The following CADM2 variants were observed in gnomAD, a reference collection of about 807,000 sequenced individuals.
CADM2 encodes immunoglobulin superfamily member 4D.
In CADM2, 12 loss-of-function variants were observed where a neutral mutation model predicts 49.8. The ratio of observed to expected loss-of-function variants is 0.24; its 90% CI spans 0.15 to 0.39. The LOEUF (loss-of-function observed/expected upper bound fraction) is 0.39, where lower values mean the gene tolerates loss of function less well. Ranked by LOEUF, CADM2 falls within the 10% of genes least tolerant of loss-of-function variation. The pLI is 1.00. For missense variants in CADM2, 378 were observed against 492.3 expected (o/e 0.77, Z 2.20); for synonymous variants, 214 against 175.4 (o/e 1.22, Z -1.74).
chr3:85,772,254 C>T (rs2070133206), intron 2 of CADM2, among the ~76,000 whole-genome samples: 1 of 151,938 alleles, frequency 6.6e-6, no homozygotes, highest in Admixed American at 6.6e-5. Flanking sequence ...ATTAACTGGT[C>T]ATTAACTGAC....
intron 1 of CADM2, among the ~76,000 whole-genome samples, chr3:85,034,445 C>T (rs1375845098): frequency 6.6e-6 from 1 of 152,088 alleles, no homozygotes; most frequent in Non-Finnish European, 1.5e-5. Context: ...TTTTTTACGG[C>T]TAAATAGTAC....
In CADM2 at chr3:85,427,182, A is replaced by AT. The variant is rs1553722019; in HGVS notation, c.62-299339dup. On this transcript the variant is annotated intron_variant, in intron 1 of 9. Coordinates refer to ENST00000383699, the MANE Select transcript of CADM2 (RefSeq NM_001167675.2). Reference sequence around the variant, plus strand: ...GAACTATATATATATATATATATATATATATATATATATATATATGTATAA... The same window carrying AT: ...GAACTATATATATATATATATATATATTATATATATATATATATATGTATAA... Among the ~76,000 whole-genome samples, 100 of 80,760 alleles carry AT rather than the reference A, an allele frequency of 1.2e-3. 3 individuals are homozygous for AT. Among genetic ancestry groups the AT allele is most frequent in the African/African-American group, 3.1e-3 (98 of 32,068 alleles). The allele number at this position is 80,760 out of a possible 152,430, so 53.0% of individuals were successfully genotyped here. A position where few individuals can be genotyped will look rare whatever the true frequency, so the allele number is the denominator to read the frequency against.
chr3:85,491,718 G>A (rs887221079), intron 1 of CADM2, among the ~76,000 whole-genome samples: 18 of 152,204 alleles, frequency 1.2e-4, no homozygotes, highest in African/African-American at 4.1e-4. Context: ...TCGGGAGGCA[G>A]AGGCGGGCAG....
At chr3:85,256,120 C>A (rs754378941) in intron 1 of CADM2, among the ~76,000 whole-genome samples, 1 of 151,964 alleles carries the variant, frequency 6.6e-6, no homozygotes, top group Non-Finnish European at 1.5e-5. Flanking sequence ...TGTTTTCTCA[C>A]GCAACAGCAC....
intron 1 of CADM2, among the ~76,000 whole-genome samples, chr3:85,466,558 C>A (rs779726955): frequency 3.3e-4 from 50 of 152,230 alleles, no homozygotes; most frequent in Non-Finnish European, 5.7e-4. Context: ...ATGCCAGTCA[C>A]CCCTATTCAT....
chr3:85,958,176 G>A (rs1258305712), intron 7 of CADM2, among the ~76,000 whole-genome samples: 2 of 151,910 alleles, frequency 1.3e-5, no homozygotes, highest in Non-Finnish European at 2.9e-5. Flanking sequence ...CATTTATGCA[G>A]CCAACAAACA....
intron 1 of CADM2, among the ~76,000 whole-genome samples, chr3:85,627,665 T>C (rs1340216867): frequency 6.6e-6 from 1 of 151,920 alleles, no homozygotes; most frequent in Non-Finnish European, 1.5e-5. Context: ...AACATTCTAT[T>C]GCTTTAAATT....
chr3:85,535,614 G>A (rs539962532), intron 1 of CADM2, among the ~76,000 whole-genome samples: 1 of 152,202 alleles, frequency 6.6e-6, no homozygotes, highest in Admixed American at 6.5e-5. Flanking sequence ...CATTGCCTTT[G>A]GTCATGGGGA....
At chr3:85,929,564 C>T (rs1353681216) in intron 6 of CADM2, among the ~76,000 whole-genome samples, 1 of 151,306 alleles carries the variant, frequency 6.6e-6, no homozygotes, top group Non-Finnish European at 1.5e-5. Context: ...TTTTAGAAAA[C>T]CGTTTACATG....
chr3:85,812,900 TAG>T (rs1458163310), intron 3 of CADM2, among the ~76,000 whole-genome samples: 1 of 152,184 alleles, frequency 6.6e-6, no homozygotes, highest in Non-Finnish European at 1.5e-5. Flanking sequence ...TATCGCTTCA[TAG>T]TATTCCATGG....
chr3:85,506,358 C>G (rs1168033967), intron 1 of CADM2, among the ~76,000 whole-genome samples: 2 of 152,122 alleles, frequency 1.3e-5, no homozygotes, highest in Admixed American at 6.5e-5. Context: ...TGACCAGCCC[C>G]AGTGATGTGT....
chr3:85,258,086 C>A (rs1433406208), intron 1 of CADM2, among the ~76,000 whole-genome samples: 1 of 152,060 alleles, frequency 6.6e-6, no homozygotes, highest in Admixed American at 6.6e-5. Flanking sequence ...TTCCTATTGG[C>A]TTGGATTCAG....
intron 8 of CADM2, among the ~76,000 whole-genome samples, chr3:85,970,981 A>G (rs1041615297): frequency 5.3e-5 from 8 of 151,674 alleles, no homozygotes; most frequent in African/African-American, 1.9e-4. Flanking sequence ...GTCATGCAAG[A>G]AATCTTAAAA....
chr3:85,137,993 A>G (rs2039466334), intron 1 of CADM2, among the ~76,000 whole-genome samples: 1 of 152,154 alleles, frequency 6.6e-6, no homozygotes, highest in Non-Finnish European at 1.5e-5. Flanking sequence ...ATTCATAGAA[A>G]TAGATTGAAA....
At chr3:85,331,375 A>T (rs1284107726) in intron 1 of CADM2, among the ~76,000 whole-genome samples, 1 of 151,700 alleles carries the variant, frequency 6.6e-6, no homozygotes, top group Non-Finnish European at 1.5e-5. Flanking sequence ...AGAACATGTG[A>T]TATTTGTTTT....
chr3:85,390,547 C>T (rs1208310591), intron 1 of CADM2, among the ~76,000 whole-genome samples: 1 of 151,990 alleles, frequency 6.6e-6, no homozygotes, highest in African/African-American at 2.4e-5. Context: ...GGCCTGTATC[C>T]AATGTCTATT....
At chr3:85,999,659 A>T (rs944931937) in intron 8 of CADM2, among the ~76,000 whole-genome samples, 1 of 149,186 alleles carries the variant, frequency 6.7e-6, no homozygotes, top group Non-Finnish European at 1.5e-5. Flanking sequence ...GGAAAGAAAA[A>T]AGAAAGAAAG....
chr3:85,071,804 G>A (rs2036754512), intron 1 of CADM2, among the ~76,000 whole-genome samples: 1 of 151,978 alleles, frequency 6.6e-6, no homozygotes, highest in Admixed American at 6.6e-5. Flanking sequence ...GTTAGCTATT[G>A]TGCATGATTT....
chr3:85,504,623 A>C (rs1029451606), intron 1 of CADM2, among the ~76,000 whole-genome samples: 7 of 152,088 alleles, frequency 4.6e-5, no homozygotes, highest in African/African-American at 1.7e-4. Context: ...CCCAGTAGAT[A>C]CCTCACCGGG....
Sources: allele counts gnomAD v4.1 joint callset (sites outside exome capture counted in the v4.1 genomes callset), GRCh38; gene constraint gnomAD v4.1.1; transcripts MANE v1.5; gene names NCBI Gene and HGNC (gene_info 2026-07-23, HGNC 2026-07-21).